The following DLGAP2 variants were observed in gnomAD, a reference collection of about 807,000 sequenced individuals.
DLGAP2 encodes DLG associated protein 2, also known as disks large-associated protein 2.
Under a neutral mutation model 100.3 loss-of-function variants are expected in DLGAP2, and 26 were observed. The observed-to-expected ratio is 0.26, with a 90% CI of 0.19 to 0.36. The LOEUF (loss-of-function observed/expected upper bound fraction) is 0.36. Among genes scored for constraint, DLGAP2 ranks in the 10% least tolerant of loss-of-function variants. The pLI is 1.00. For synonymous variants in DLGAP2, 886 were observed against 630.1 expected, an observed-to-expected ratio of 1.41 and a Z score of -6.08; for missense variants, 1,858 against 1,453.2, an observed-to-expected ratio of 1.28 and a Z score of -4.53.
Position 794,684 on chromosome 8 carries a change from A to G in DLGAP2, c.18+56859A>G, listed in dbSNP as rs2132644405. Among the ~76,000 whole-genome samples the G allele has an allele frequency of 1.3e-5, 2 of 152,352 alleles. 1 individual carries two copies. Among genetic ancestry groups the G allele is most frequent in the Middle Eastern group, 6.8e-3 (2 of 294 alleles). ...ACCTTCCAGCTTGGGCATTAGGGCC[A>G]TTATGAATATGTTACAGTGCTGTAG... On this transcript the variant is annotated intron_variant, in intron 1 of 14. Transcript: ENST00000637795.
chr8:1,020,684 A>G (rs955969483), intron 2 of DLGAP2, among the ~76,000 whole-genome samples: 1 of 152,176 alleles, frequency 6.6e-6, no homozygotes, highest in Non-Finnish European at 1.5e-5. Flanking sequence ...AGTAAGGGGA[A>G]CCAACACCCA....
intron 3 of DLGAP2, among the ~76,000 whole-genome samples, chr8:1,339,269 C>G (rs1437626771): frequency 6.7e-6 from 1 of 149,968 alleles, no homozygotes; most frequent in Non-Finnish European, 1.5e-5. Flanking sequence ...GCGTCAGGAC[C>G]CGGGAGGGAA....
chr8:1,475,044 G>A (rs1047017744), intron 3 of DLGAP2, among the ~76,000 whole-genome samples: 9 of 152,140 alleles, frequency 5.9e-5, no homozygotes, highest in Non-Finnish European at 7.3e-5. Flanking sequence ...GGAATACTAC[G>A]CAGCCATCAG....
At chr8:1,148,934 C>T (rs1278185631) in intron 2 of DLGAP2, among the ~76,000 whole-genome samples, 3 of 152,114 alleles carry the variant, frequency 2.0e-5, no homozygotes, top group African/African-American at 4.8e-5. Flanking sequence ...ATCAATAATT[C>T]AGTATTAATC....
chr8:1,227,312 T>C (rs1798442680), intron 2 of DLGAP2, among the ~76,000 whole-genome samples: 2 of 150,736 alleles, frequency 1.3e-5, no homozygotes, highest in South Asian at 4.2e-4. Flanking sequence ...TCCTTTTCGA[T>C]CATTGTTGGT....
chr8:751,506 G>A (rs778750433), intron 1 of DLGAP2, among the ~76,000 whole-genome samples: 6 of 152,176 alleles, frequency 3.9e-5, no homozygotes, highest in South Asian at 2.1e-4. Context: ...AAGTTGGATC[G>A]TGAGGTTAGA....
At chr8:1,349,411 A>T (rs1410997856) in intron 3 of DLGAP2, among the ~76,000 whole-genome samples, 1 of 91,950 alleles carries the variant, frequency 1.1e-5, no homozygotes, top group Non-Finnish European at 2.4e-5. Context: ...CCACATCCAC[A>T]CACAGGTAGG....
At chr8:1,129,575 C>T (rs564559700) in intron 2 of DLGAP2, among the ~76,000 whole-genome samples, 2 of 152,236 alleles carry the variant, frequency 1.3e-5, no homozygotes, top group South Asian at 4.1e-4. Context: ...AGAGGGGCAC[C>T]TGCTCCCACG....
intron 4 of DLGAP2, among the ~76,000 whole-genome samples, chr8:1,536,874 G>A (rs1182662177): frequency 1.3e-5 from 2 of 152,114 alleles, no homozygotes; most frequent in African/African-American, 4.8e-5. Flanking sequence ...CCCAGGAGGC[G>A]ACATGAGGGC....
intron 2 of DLGAP2, among the ~76,000 whole-genome samples, chr8:1,190,263 C>T (rs1156533150): frequency 6.6e-6 from 1 of 152,210 alleles, no homozygotes; most frequent in Non-Finnish European, 1.5e-5. Context: ...GCACTCCCCA[C>T]TTGCTGTGGT....
In DLGAP2 at chr8:1,572,019, A is replaced by G. The variant is rs141603296; in HGVS notation, c.1442+6125A>G. On this transcript the variant is annotated intron_variant, in intron 6 of 14. Coordinates refer to ENST00000637795, the MANE Select transcript of DLGAP2 (RefSeq NM_001346810.2). ...GGGTGAACTGTGGGGGCGTCTGATG[A>G]GACGGAGAGGAGAGAGGGTGAACTG... Among the ~76,000 whole-genome samples, 152 of 100,134 alleles carry G rather than the reference A, an allele frequency of 1.5e-3. 20 individuals are homozygous for G. The East Asian group carries it at 0.059, about 39-fold the overall frequency. The allele number at this position is 100,134 out of a possible 152,430, so 65.7% of individuals were successfully genotyped here. A position where few individuals can be genotyped will look rare whatever the true frequency, so the allele number is the denominator to read the frequency against.
At chr8:910,826 C>T (rs1373405031) in intron 2 of DLGAP2, among the ~76,000 whole-genome samples, 1 of 152,086 alleles carries the variant, frequency 6.6e-6, no homozygotes, top group East Asian at 1.9e-4. Context: ...GTCCTTAGCA[C>T]CTTTTTTTTG....
chr8:1,488,065 C>A (rs1442026921), intron 3 of DLGAP2, among the ~76,000 whole-genome samples: 1 of 152,126 alleles, frequency 6.6e-6, no homozygotes, highest in Non-Finnish European at 1.5e-5. Context: ...GTGTTGAGTT[C>A]CTCAGCAGTT....
At chr8:767,086 G>C (rs929548742) in intron 1 of DLGAP2, among the ~76,000 whole-genome samples, 2 of 152,170 alleles carry the variant, frequency 1.3e-5, no homozygotes, top group African/African-American at 4.8e-5. Context: ...GTTAGATCCA[G>C]GGTGCCATCC....
intron 2 of DLGAP2, among the ~76,000 whole-genome samples, chr8:1,230,172 C>T (rs538955383): frequency 6.6e-6 from 1 of 152,116 alleles, no homozygotes; most frequent in Non-Finnish European, 1.5e-5. Context: ...AAAATTTCAG[C>T]ATACAAAATC....
chr8:1,562,752 G>A (rs1802221787), intron 5 of DLGAP2, among the ~76,000 whole-genome samples: 1 of 28,768 alleles, frequency 3.5e-5, no homozygotes, highest in Non-Finnish European at 6.6e-5. Flanking sequence ...GTGGTGTTGG[G>A]GTGTCTGCGC....
At chr8:1,673,625 A>C (rs1384240357) in intron 10 of DLGAP2, among the ~76,000 whole-genome samples, 1 of 152,228 alleles carries the variant, frequency 6.6e-6, no homozygotes, top group East Asian at 1.9e-4. Flanking sequence ...AGAACAGGGA[A>C]TTTGCATTTG....
intron 6 of DLGAP2, among the ~76,000 whole-genome samples, chr8:1,614,543 T>G (rs1224835164): frequency 6.6e-6 from 1 of 152,166 alleles, no homozygotes; most frequent in South Asian, 2.1e-4. Context: ...AAAACATGAC[T>G]TACCGGACGA....
chr8:975,067 C>A (rs191677076), intron 2 of DLGAP2, among the ~76,000 whole-genome samples: 1 of 152,108 alleles, frequency 6.6e-6, no homozygotes, highest in Non-Finnish European at 1.5e-5. Context: ...GGCCATCAGT[C>A]CTGATTCCAG....
Sources: gnomAD v4.1 joint callset for allele counts (sites outside exome capture counted in the v4.1 genomes callset) on GRCh38, gnomAD v4.1.1 for gene constraint, MANE v1.5 for transcripts, NCBI Gene and HGNC (gene_info 2026-07-23, HGNC 2026-07-21) for gene names.